Variants in CSMD3 observed in about 807,000 individuals in gnomAD.
CSMD3 encodes the protein CUB and Sushi multiple domains 3, also known as CUB and sushi domain-containing protein 3.
Under a neutral mutation model 435.2 loss-of-function variants are expected in CSMD3, and 177 were observed. The observed-to-expected ratio is 0.41, with a 90% CI of 0.36 to 0.46. The LOEUF is 0.46. Among genes scored for constraint, CSMD3 ranks in the 20% least tolerant of loss-of-function variants. The probability of loss-of-function intolerance (pLI) is 0.34; values close to 1 mark genes in which losing one functional copy is unlikely to be tolerated. For synonymous variants in CSMD3, 1,656 were observed against 1,520.5 expected, an observed-to-expected ratio of 1.09 and a Z score of -2.07; for missense variants, 4,265 against 4,504.6, an observed-to-expected ratio of 0.95 and a Z score of 1.52.
intron 5 of CSMD3, among the ~76,000 whole-genome samples, chr8:113,068,857 GTT>G (rs2088976231): frequency 1.3e-5 from 2 of 151,324 alleles, no homozygotes; most frequent in Non-Finnish European, 2.9e-5. Flanking sequence ...CTATTTGACT[GTT>G]GATGCTCTTG....
chr8:112,502,508 T>C (rs1822074857), intron 30 of CSMD3, among the ~76,000 whole-genome samples: 1 of 152,212 alleles, frequency 6.6e-6, no homozygotes. Flanking sequence ...ACTCCAAGCC[T>C]CTGTTTCTTA....
intron 4 of CSMD3, among the ~76,000 whole-genome samples, chr8:113,139,877 A>T (rs897717362): frequency 6.6e-6 from 1 of 151,178 alleles, no homozygotes; most frequent in Admixed American, 6.6e-5. Flanking sequence ...GTATCATGGA[A>T]ATATTTATCA....
chr8:112,314,500 C>T lies in CSMD3; in HGVS notation c.7478G>A (p.Gly2493Asp), dbSNP rs1822276539. Residue 2493 changes from glycine (G) to aspartate (D), a missense_variant, in exon 48 of 71, where the codon GGT becomes GAT. By Grantham distance (94) the Gly-to-Asp change is moderately conservative (BLOSUM62 -1). Transcript: ENST00000297405. ...MCAWSISVEKGYNITMFVEFF... is the reference protein window; with the variant it reads ...MCAWSISVEKDYNITMFVEFF... ...TTCTACAAACATGGTGATATTATAA[C>T]CCTTTTCCACTGAAATGCTCCATGC... 6.2e-7 allele frequency: 1 copy of T among 1,612,518 alleles called. No homozygotes were observed. The highest frequency in any genetic ancestry group is 8.5e-7 in the Non-Finnish European group (1 of 1,178,708).
chr8:112,641,729 T>C (rs1401797408), intron 20 of CSMD3, among the ~76,000 whole-genome samples: 1 of 151,974 alleles, frequency 6.6e-6, no homozygotes, highest in African/African-American at 2.4e-5. Context: ...TCCCACCTAC[T>C]CAGGAGGCTG....
chr8:112,876,502 T>A (rs545315493), intron 10 of CSMD3, among the ~76,000 whole-genome samples: 2 of 152,312 alleles, frequency 1.3e-5, no homozygotes, highest in East Asian at 1.9e-4. Flanking sequence ...GTCGTCTTTA[T>A]CCTTGGGATG....
At chr8:113,174,977 A>G (rs1371209322) in intron 3 of CSMD3, among the ~76,000 whole-genome samples, 3 of 151,874 alleles carry the variant, frequency 2.0e-5, no homozygotes, top group Non-Finnish European at 2.9e-5. Context: ...TTGCAAAATA[A>G]TAAGCTGAAA....
intron 21 of CSMD3, 65 bp from the exon 22 acceptor site, chr8:112,637,070 C>T: frequency 1.6e-6 from 2 of 1,263,688 alleles, no homozygotes; most frequent in Non-Finnish European, 2.3e-6. Context: ...ATAGTGGTTA[C>T]TTTTAAAGGT....
intron 7 of CSMD3, among the ~76,000 whole-genome samples, chr8:112,961,787 T>G (rs2084239613): frequency 6.6e-6 from 1 of 152,096 alleles, no homozygotes; most frequent in Admixed American, 6.6e-5. Context: ...GTATATGGGC[T>G]TTCTTTCTTC....
chr8:113,425,309 G>C (rs2094629807), intron 1 of CSMD3, among the ~76,000 whole-genome samples: 1 of 151,238 alleles, frequency 6.6e-6, no homozygotes, highest in African/African-American at 2.4e-5. Context: ...AAATTAATTT[G>C]ATATTTACAT....
intron 12 of CSMD3, among the ~76,000 whole-genome samples, chr8:112,827,164 A>ATATAT (rs1564000272): frequency 0.024 from 2,000 of 82,696 alleles, 370 homozygotes; most frequent in East Asian, 0.048. Context: ...GGTTACCATA[A>ATATAT]ATATATATAT....
chr8:113,080,722 G>A (rs955612865), intron 5 of CSMD3, among the ~76,000 whole-genome samples: 6 of 152,142 alleles, frequency 3.9e-5, no homozygotes, highest in African/African-American at 1.4e-4. Context: ...TTCCCTAGGT[G>A]TAGTTTCTAA....
intron 2 of CSMD3, among the ~76,000 whole-genome samples, chr8:113,299,655 C>T (rs925239584): frequency 2.0e-5 from 3 of 152,072 alleles, no homozygotes; most frequent in South Asian, 2.1e-4. Context: ...AAATTAAAAC[C>T]GCAATGAGAT....
chr8:112,703,502 C>A (rs2076434054), intron 13 of CSMD3, among the ~76,000 whole-genome samples: 1 of 152,148 alleles, frequency 6.6e-6, no homozygotes, highest in South Asian at 2.1e-4. Flanking sequence ...AAGTAATAAA[C>A]CCTAATTTTA....
chr8:112,332,989 A>C (rs991984370), intron 45 of CSMD3, among the ~76,000 whole-genome samples: 12 of 152,186 alleles, frequency 7.9e-5, no homozygotes, highest in South Asian at 2.1e-4. Flanking sequence ...GGTTCAACCT[A>C]ATATATGCCA....
At chr8:113,365,269 C>CA (rs781306942) in intron 1 of CSMD3, among the ~76,000 whole-genome samples, 3 of 152,048 alleles carry the variant, frequency 2.0e-5, no homozygotes, top group Non-Finnish European at 2.9e-5. Flanking sequence ...TCAAAAGCAT[C>CA]AGATTCTTGA....
At chr8:112,363,370 T>A (rs1363013083) in intron 38 of CSMD3, among the ~76,000 whole-genome samples, 1 of 151,968 alleles carries the variant, frequency 6.6e-6, no homozygotes, top group Non-Finnish European at 1.5e-5. Flanking sequence ...TCACGAAGGG[T>A]ATATTTCTGT....
At chr8:113,145,117 T>C (rs1157826122) in intron 4 of CSMD3, among the ~76,000 whole-genome samples, 1 of 151,414 alleles carries the variant, frequency 6.6e-6, no homozygotes, top group South Asian at 2.1e-4. Context: ...GGTGGAATAA[T>C]CCCAAAGGAA....
chr8:113,261,250 C>T (rs1161001918), intron 3 of CSMD3, among the ~76,000 whole-genome samples: 1 of 151,970 alleles, frequency 6.6e-6, no homozygotes, highest in Admixed American at 6.6e-5. Context: ...ATAACTGTTA[C>T]TTTTGGTTCC....
At chr8:112,361,213 A>C (rs1049549893) in intron 38 of CSMD3, among the ~76,000 whole-genome samples, 26 of 151,830 alleles carry the variant, frequency 1.7e-4, no homozygotes, top group Non-Finnish European at 3.4e-4. Context: ...GCCGTTGGCA[A>C]CCAAAGCTGC....
Sources: allele counts gnomAD v4.1 joint callset (sites outside exome capture counted in the v4.1 genomes callset), GRCh38; gene constraint gnomAD v4.1.1; transcripts MANE v1.5; gene names NCBI Gene and HGNC (gene_info 2026-07-23, HGNC 2026-07-21).